The following EHMT1 variants were observed in gnomAD, a reference collection of about 807,000 sequenced individuals.
EHMT1 encodes the protein histone-lysine N-methyltransferase EHMT1.
A neutral mutation model predicts 147.2 loss-of-function variants in EHMT1; 15 were observed. The ratio of observed to expected loss-of-function variants is 0.10; its 90% CI spans 0.07 to 0.16. The LOEUF is 0.16. EHMT1 is among the 10% of genes least tolerant of loss of function. The pLI, the probability that EHMT1 is intolerant of heterozygous loss-of-function variation, is 1.00. For synonymous variants in EHMT1, 795 were observed against 709.6 expected (o/e 1.12, Z -1.91); for missense variants, 1,587 against 1,772.4 (o/e 0.90, Z 1.88).
intron 19 of EHMT1, among the ~76,000 whole-genome samples, chr9:137,812,347 C>A (rs1029917705): frequency 7.3e-5 from 11 of 150,990 alleles, no homozygotes; most frequent in African/African-American, 2.5e-4. Flanking sequence ...TCAAAAAAAA[C>A]CCAAAAAACA....
At chr9:137,753,688 G>A (rs72766945) in intron 7 of EHMT1, among the ~76,000 whole-genome samples, 8,090 of 152,300 alleles carry the variant, frequency 0.053, 273 homozygotes, top group South Asian at 0.14. Context: ...TGCTGCATCC[G>A]GATTTTAGAA....
chr9:137,722,433 C>T (rs905959436), intron 3 of EHMT1, among the ~76,000 whole-genome samples: 9 of 152,246 alleles, frequency 5.9e-5, no homozygotes, highest in East Asian at 3.8e-4. Flanking sequence ...TTTGAGGCTT[C>T]GGAACCTGGT....
intron 15 of EHMT1, among the ~76,000 whole-genome samples, chr9:137,790,313 C>G (rs933297088): frequency 1.3e-5 from 2 of 152,202 alleles, no homozygotes; most frequent in Non-Finnish European, 2.9e-5. Context: ...TCTTAAGTTT[C>G]AGACCAAGAA....
intron 1 of EHMT1, among the ~76,000 whole-genome samples, chr9:137,671,229 G>A (rs1038987261): frequency 3.9e-5 from 6 of 152,176 alleles, no homozygotes; most frequent in Non-Finnish European, 8.8e-5. Context: ...TAAGAAAAAA[G>A]CAGAAGGAAA....
At chr9:137,649,596 C>T (rs533536589) in intron 1 of EHMT1, among the ~76,000 whole-genome samples, 13 of 152,224 alleles carry the variant, frequency 8.5e-5, no homozygotes, top group Admixed American at 2.0e-4. Context: ...ATGAAGTCGT[C>T]GTAGATTTAG....
In EHMT1 at chr9:137,782,204, G is replaced by C; in HGVS notation, c.2276-87G>C. 1 of 1,282,942 alleles carries C rather than the reference G, an allele frequency of 7.8e-7. No homozygotes were observed. Among genetic ancestry groups the C allele is most frequent in the Middle Eastern group, 1.8e-4 (1 of 5,446 alleles). 79.5% of individuals were successfully genotyped at this position (1,282,942 alleles called of 1,614,324 possible). A position where few individuals can be genotyped will look rare whatever the true frequency, so the allele number is the denominator to read the frequency against. ...CTGTTTATGTGGAGGATGGTCATTTGTGAGTGCTTGCCAGCCATCGTGACA... is the reference window on the plus strand; with the variant it reads ...CTGTTTATGTGGAGGATGGTCATTTCTGAGTGCTTGCCAGCCATCGTGACA... On this transcript the variant is annotated intron_variant, in intron 14 of 26. Coordinates refer to ENST00000460843, the MANE Select transcript of EHMT1 (RefSeq NM_024757.5). The surrounding 1 kb of genome is among the most constrained non-coding windows in gnomAD (Gnocchi z 5.7).
At chr9:137,625,071 G>A (rs1054519506) in intron 1 of EHMT1, among the ~76,000 whole-genome samples, 2 of 151,634 alleles carry the variant, frequency 1.3e-5, no homozygotes, top group Admixed American at 1.3e-4. Flanking sequence ...CGGTAGAGAT[G>A]GGGTTTCGCC....
intron 3 of EHMT1, among the ~76,000 whole-genome samples, chr9:137,718,754 C>CTTT (rs1163532857): frequency 6.8e-6 from 1 of 146,338 alleles, no homozygotes; most frequent in Non-Finnish European, 1.5e-5. Flanking sequence ...TTTTCTTTTT[C>CTTT]TTTTTCTTTT....
chr9:137,802,165 G>T (rs1159821893), intron 18 of EHMT1, among the ~76,000 whole-genome samples: 4 of 152,232 alleles, frequency 2.6e-5, no homozygotes, highest in African/African-American at 9.6e-5. Context: ...AAACCAGTGG[G>T]CCTGCCAGGG....
At position 137,782,504 on chromosome 9, in the gene EHMT1, G is replaced by A; in HGVS notation, c.2382+107G>A. On this transcript the variant is annotated intron_variant, in intron 15 of 26. Transcript: ENST00000460843. The surrounding 1 kb of genome is among the most constrained non-coding windows in gnomAD (Gnocchi z 5.7). ...GTTCTTCCAGTGTAAGAGTTCCGTA[G>A]TGCTGTGAATCGGGCACAGAGTCAG... 9.3e-7 allele frequency: 1 copy of A among 1,078,548 alleles called. No individual in the cohort carries two copies. The highest frequency in any genetic ancestry group is 1.4e-6 in the Non-Finnish European group (1 of 734,278). 66.8% of individuals were successfully genotyped at this position (1,078,548 alleles called of 1,614,324 possible).
intron 1 of EHMT1, chr9:137,641,062 T>G (rs149105840): frequency 3.4e-4 from 83 of 244,846 alleles, no homozygotes; most frequent in African/African-American, 1.7e-3. Context: ...CCTCATCATC[T>G]TCGTCTTCTC....
Position 137,741,610 on chromosome 9 carries a change from G to A in EHMT1, c.824-1761G>A, listed in dbSNP as rs76620537. Among the ~76,000 whole-genome samples, 1,077 of 152,324 alleles carry A rather than the reference G, an allele frequency of 7.1e-3. 30 individuals are homozygous for A. In the East Asian group the frequency reaches 0.071, roughly 10 times the overall value. Reference sequence around the variant, plus strand: ...ATGAGGAAAAGAATCTAGTGAGAAAGTACATGTAGTCACCCTTGGGTATAT... The same window carrying A: ...ATGAGGAAAAGAATCTAGTGAGAAAATACATGTAGTCACCCTTGGGTATAT... On this transcript the variant is annotated intron_variant, in intron 4 of 26. Coordinates refer to ENST00000460843, the MANE Select transcript of EHMT1 (RefSeq NM_024757.5).
chr9:137,775,008 G>T lies in EHMT1; in HGVS notation c.1648-101G>T. 6.4e-7 allele frequency: 1 copy of T among 1,561,726 alleles called. No individual in the cohort carries two copies. The highest frequency in any genetic ancestry group is 8.8e-7 in the Non-Finnish European group (1 of 1,136,688). On this transcript the variant is annotated intron_variant, in intron 10 of 26. Coordinates refer to ENST00000460843, the MANE Select transcript of EHMT1 (RefSeq NM_024757.5). The surrounding 1 kb of genome is among the most constrained non-coding windows in gnomAD (Gnocchi z 6.1). Reference sequence around the variant, plus strand: ...GGCTCGGCTCAGTCAGCCCACACCTGCTGAGCAGCTCTTGTGTGCCTGCAC... The same window carrying T: ...GGCTCGGCTCAGTCAGCCCACACCTTCTGAGCAGCTCTTGTGTGCCTGCAC...
intron 1 of EHMT1, among the ~76,000 whole-genome samples, chr9:137,673,421 A>G (rs78458401): frequency 0.014 from 2,080 of 152,256 alleles, 42 homozygotes; most frequent in African/African-American, 0.047. Context: ...GTACAGCCTT[A>G]TTTTTATGTC....
At chr9:137,645,575 A>G (rs1329178287) in intron 1 of EHMT1, among the ~76,000 whole-genome samples, 2 of 152,230 alleles carry the variant, frequency 1.3e-5, no homozygotes, top group Admixed American at 1.3e-4. Flanking sequence ...AGGGTGTGAT[A>G]GAAGCAGCGA....
intron 25 of EHMT1, chr9:137,823,487 C>G (rs1168519103): frequency 3.0e-6 from 1 of 336,804 alleles, no homozygotes; most frequent in African/African-American, 2.4e-5. Flanking sequence ...TCTCGGCTCA[C>G]TGCAAGCTCC....
In EHMT1 at chr9:137,790,861, T is replaced by C. The variant is rs775334071; in HGVS notation, c.2396T>C (p.Ile799Thr). 4.3e-6 allele frequency: 7 copies of C among 1,614,014 alleles called. No individual in the cohort carries two copies. In the African/African-American group the frequency reaches 5.3e-5, roughly 12 times the overall value. ...CHMLVQAGAN[I>T]DTCSEDQRTP... ...TTGTTTCACTAGGCGGGCGCTAATATTGACACCTGCTCAGAAGACCAGAGG... is the reference window on the plus strand; with the variant it reads ...TTGTTTCACTAGGCGGGCGCTAATACTGACACCTGCTCAGAAGACCAGAGG... The change falls in exon 16 of 27, where the codon ATT becomes ACT. Residue 799 changes from isoleucine (I) to threonine (T), a missense_variant. Transcript: ENST00000460843.
intron 1 of EHMT1, among the ~76,000 whole-genome samples, chr9:137,694,075 G>A (rs1262404196): frequency 1.3e-4 from 10 of 75,294 alleles, no homozygotes; most frequent in South Asian, 6.0e-4. Context: ...CAGGACGCTG[G>A]CCGATACCCC....
chr9:137,787,834 A>C lies in EHMT1; in HGVS notation c.2383-3014A>C. 1.0e-6 allele frequency: 1 copy of C among 991,186 alleles called. No homozygotes were observed. The highest frequency in any genetic ancestry group is 1.6e-6 in the Non-Finnish European group (1 of 615,286). The allele number at this position is 991,186 out of a possible 1,614,324, so 61.4% of individuals were successfully genotyped here. ...TCAGGGGCCACCCCCCAGTAGGCAG[A>C]GCTGGTTGACGGTGGACATTGGGGA... On this transcript the variant is annotated intron_variant, in intron 15 of 26. Transcript: ENST00000460843. This position sits in a 1 kb window ranked among gnomAD's most constrained non-coding sequence, Gnocchi z 4.2.
Sources: gnomAD v4.1 joint callset for allele counts (sites outside exome capture counted in the v4.1 genomes callset) on GRCh38, gnomAD v4.1.1 for gene constraint, Gnocchi (gnomAD v3.1) non-coding constraint, MANE v1.5 for transcripts, NCBI Gene and HGNC (gene_info 2026-07-23, HGNC 2026-07-21) for gene names.